PDE11A: variants seen among roughly 807,000 people sequenced by gnomAD.
The protein encoded by PDE11A is phosphodiesterase 11A, also known as dual 3',5'-cyclic-AMP and -GMP phosphodiesterase 11A.
PDE11A carries 100 observed loss-of-function variants against 100.5 expected under a neutral mutation model. The ratio of observed to expected loss-of-function variants is 1.00; its 90% CI spans 0.85 to 1.18. The LOEUF is 1.18. Ranked by LOEUF, PDE11A falls within the 50% of genes most tolerant of loss-of-function variation. The pLI is 0.00. For synonymous variants in PDE11A, 381 were observed against 420.8 expected (o/e 0.91, Z 1.16); for missense variants, 1,141 against 1,152.6 (o/e 0.99, Z 0.15).
intron 2 of PDE11A, among the ~76,000 whole-genome samples, chr2:177,945,428 C>T (rs1361413220): frequency 2.1e-4 from 29 of 140,446 alleles, no homozygotes; most frequent in African/African-American, 2.9e-4. Context: ...CGTCTCTGCC[C>T]GGCCGCCCAT....
At chr2:177,916,515 A>G (rs1334812632) in intron 2 of PDE11A, among the ~76,000 whole-genome samples, 2 of 152,124 alleles carry the variant, frequency 1.3e-5, no homozygotes, top group Non-Finnish European at 2.9e-5. Context: ...CCTCTATCTT[A>G]TAGTCTAATT....
chr2:177,932,569 A>G (rs1241071167), intron 2 of PDE11A, among the ~76,000 whole-genome samples: 1 of 152,162 alleles, frequency 6.6e-6, no homozygotes, highest in Admixed American at 6.5e-5. Context: ...AAATCAAAAG[A>G]TCATCTCAAT....
intron 9 of PDE11A, among the ~76,000 whole-genome samples, chr2:177,769,870 A>G (rs1403832898): frequency 2.8e-5 from 4 of 141,686 alleles, no homozygotes; most frequent in African/African-American, 1.1e-4. Flanking sequence ...CCTGGGCGAC[A>G]GAGTAAGACC....
chr2:177,906,901 T>C (rs1481550654), intron 2 of PDE11A, among the ~76,000 whole-genome samples: 1 of 152,218 alleles, frequency 6.6e-6, no homozygotes, highest in Non-Finnish European at 1.5e-5. Context: ...CTCATTGTTT[T>C]TTTCTGCCAT....
rs74851061 is a variant in PDE11A, at chr2:177,825,224, A to G, written c.1501-4929T>C. ...GAGAGGAAGGCCATAATGAGAAAGC[A>G]GAGCTGCAACTATTCAGAGCTGGAG... On this transcript the variant is annotated intron_variant, in intron 6 of 19. Coordinates refer to ENST00000286063, the MANE Select transcript of PDE11A (RefSeq NM_016953.4). Among the ~76,000 whole-genome samples, 1,117 of 152,316 alleles carry G rather than the reference A, an allele frequency of 7.3e-3. 13 individuals carry two copies. Among genetic ancestry groups the G allele is most frequent in the African/African-American group, 0.026 (1,079 of 41,570 alleles).
intron 14 of PDE11A, among the ~76,000 whole-genome samples, chr2:177,700,535 A>C (rs2081182246): frequency 6.6e-6 from 1 of 152,166 alleles, no homozygotes; most frequent in African/African-American, 2.4e-5. Context: ...AAAAGTATAA[A>C]ATTCCAACTA....
At chr2:177,737,357 T>A (rs1439030263) in intron 10 of PDE11A, among the ~76,000 whole-genome samples, 1 of 151,270 alleles carries the variant, frequency 6.6e-6, no homozygotes, top group Non-Finnish European at 1.5e-5. Context: ...AGTGGACAGA[T>A]CACGAGGTCA....
intron 19 of PDE11A, among the ~76,000 whole-genome samples, chr2:177,662,438 C>G (rs950416383): frequency 1.3e-5 from 2 of 152,162 alleles, no homozygotes; most frequent in African/African-American, 4.8e-5. Flanking sequence ...TAAGTGTGCA[C>G]ACAAAACTGA....
chr2:178,011,654 C>T (rs1208539872), intron 2 of PDE11A, among the ~76,000 whole-genome samples: 1 of 152,196 alleles, frequency 6.6e-6, no homozygotes, highest in African/African-American at 2.4e-5. Flanking sequence ...CTGACATACA[C>T]ATGATACCTC....
At chr2:177,760,735 T>C (rs16865771) in intron 10 of PDE11A, among the ~76,000 whole-genome samples, 2,130 of 152,322 alleles carry the variant, frequency 0.014, 40 homozygotes, top group East Asian at 0.046. Flanking sequence ...ACTGTGTCCA[T>C]GGTCTTACAA....
chr2:177,739,850 T>A (rs1305392825), intron 10 of PDE11A, among the ~76,000 whole-genome samples: 2 of 152,234 alleles, frequency 1.3e-5, no homozygotes, highest in Non-Finnish European at 2.9e-5. Context: ...GAAAGAGGTT[T>A]CTACTCTTAG....
At chr2:177,701,088 G>A (rs771367803) in intron 14 of PDE11A, 33 bp downstream of exon 14, 9 of 1,227,534 alleles carry the variant, frequency 7.3e-6, no homozygotes, top group African/African-American at 3.0e-5. Flanking sequence ...TTTGGTTTCT[G>A]TTAAGGGGAG....
chr2:177,742,706 T>G (rs2081891287), intron 10 of PDE11A, among the ~76,000 whole-genome samples: 1 of 152,182 alleles, frequency 6.6e-6, no homozygotes, highest in South Asian at 2.1e-4. Flanking sequence ...TGTCCCTAAA[T>G]GTTAGCTAAA....
intron 2 of PDE11A, among the ~76,000 whole-genome samples, chr2:177,958,004 A>G (rs1055299537): frequency 7.0e-6 from 1 of 143,588 alleles, no homozygotes; most frequent in African/African-American, 2.7e-5. Context: ...GGTTCAAGCT[A>G]TTCCCCTGCT....
chr2:177,902,970 G>A (rs916194221), intron 3 of PDE11A, among the ~76,000 whole-genome samples: 1 of 152,196 alleles, frequency 6.6e-6, no homozygotes, highest in African/African-American at 2.4e-5. Context: ...AGGCCAGAGT[G>A]AACTCTATTA....
At chr2:177,859,434 T>C (rs535168925) in intron 5 of PDE11A, among the ~76,000 whole-genome samples, 4 of 151,760 alleles carry the variant, frequency 2.6e-5, no homozygotes, top group African/African-American at 9.6e-5. Context: ...CAATTATAAA[T>C]AAGCATACAC....
chr2:177,938,599 A>G (rs776662100), intron 2 of PDE11A, among the ~76,000 whole-genome samples: 35 of 152,136 alleles, frequency 2.3e-4, no homozygotes, highest in Admixed American at 1.1e-3. Context: ...AGACCACCAG[A>G]TAGCCTAGAC....
chr2:178,023,793 C>A (rs1222618996), intron 1 of PDE11A, among the ~76,000 whole-genome samples: 1 of 151,844 alleles, frequency 6.6e-6, no homozygotes, highest in Non-Finnish European at 1.5e-5. Context: ...AAATATAGCT[C>A]AAAAATTATA....
At chr2:178,075,925 T>C (rs1327622300), upstream of PDE11A, among the ~76,000 whole-genome samples, 1 of 152,208 alleles carries the variant, frequency 6.6e-6, no homozygotes, top group Non-Finnish European at 1.5e-5. Flanking sequence ...TTAGGAAATA[T>C]AGCTCCATAT....
Sources: allele counts gnomAD v4.1 joint callset (sites outside exome capture counted in the v4.1 genomes callset), GRCh38; gene constraint gnomAD v4.1.1; transcripts MANE v1.5; gene names NCBI Gene and HGNC (gene_info 2026-07-23, HGNC 2026-07-21).